RBM10: variants seen among roughly 807,000 people sequenced by gnomAD.
The protein encoded by RBM10 is RNA binding motif protein 10.
A neutral mutation model predicts 84.9 loss-of-function variants in RBM10; 1 was observed. That is an observed-to-expected ratio of 0.01 (90% CI 0.00 to 0.06). RBM10 has a LOEUF of 0.06. Among genes scored for constraint, RBM10 ranks in the 10% least tolerant of loss-of-function variants. The probability of loss-of-function intolerance (pLI) is 1.00; values close to 1 mark genes in which losing one functional copy is unlikely to be tolerated. For missense variants in RBM10, 438 were observed against 839.0 expected, an observed-to-expected ratio of 0.52 and a Z score of 5.90; for synonymous variants, 326 against 344.5, an observed-to-expected ratio of 0.95 and a Z score of 0.60.
At chrX:47,153,813 C>T (rs1274692912) in intron 2 of RBM10, among the ~76,000 whole-genome samples, 1 of 111,342 alleles carries the variant, frequency 9.0e-6, no homozygotes, top group Non-Finnish European at 1.9e-5. Context: ...GGAGGCTGGG[C>T]GCAGTGGGCT....
At chrX:47,154,677 C>T (rs1318037316) in intron 2 of RBM10, among the ~76,000 whole-genome samples, 2 of 109,373 alleles carry the variant, frequency 1.8e-5, no homozygotes, top group Non-Finnish European at 3.8e-5. Context: ...TCTCGAACTC[C>T]GTACCTCAGG....
chrX:47,163,900 ACT>A (rs1228467634), intron 2 of RBM10, among the ~76,000 whole-genome samples: 4 of 72,144 alleles, frequency 5.5e-5, no homozygotes, highest in Admixed American at 2.1e-4. Flanking sequence ...ACGGAGTCTC[ACT>A]CTGTCGCCCA....
chrX:47,160,412 A>G (rs143580226), intron 2 of RBM10, among the ~76,000 whole-genome samples: 94 of 111,979 alleles, frequency 8.4e-4, no homozygotes, highest in Non-Finnish European at 1.2e-3. Context: ...GGCAAAAAGC[A>G]AAATTTCCAA....
chrX:47,162,739 T>TAA (rs1556767170), intron 2 of RBM10, among the ~76,000 whole-genome samples: 216 of 110,261 alleles, frequency 2.0e-3, no homozygotes, highest in Non-Finnish European at 3.6e-3. Context: ...CTGGGGGTGG[T>TAA]GGCAGGTGCC....
At chrX:47,150,650 C>T in intron 2 of RBM10, among the ~76,000 whole-genome samples, 1 of 111,922 alleles carries the variant, frequency 8.9e-6, no homozygotes, top group South Asian at 3.7e-4. Context: ...TTTCAGGTTC[C>T]CTCATGTACA....
At chrX:47,169,613 G>A (rs1029759759) in intron 3 of RBM10, 115 bp downstream of exon 3, 31 of 800,412 alleles carry the variant, frequency 3.9e-5, no homozygotes, top group Non-Finnish European at 5.1e-5. Flanking sequence ...TTCAGACTGT[G>A]CTCGGTGGCT....
rs1602510978 is a variant in RBM10, at chrX:47,157,085, G to A, written c.17+9587G>A. The A allele has an allele frequency of 1.1e-5, 3 of 276,884 alleles. No individual in the cohort carries two copies. The East Asian group carries it at 2.9e-4, about 27-fold the overall frequency. 22.8% of individuals were successfully genotyped at this position (276,884 alleles called of 1,213,427 possible). A position where few individuals can be genotyped will look rare whatever the true frequency, so the allele number is the denominator to read the frequency against. On this transcript the variant is annotated intron_variant, in intron 2 of 23. Coordinates refer to ENST00000377604, the MANE Select transcript of RBM10 (RefSeq NM_005676.5). ...CTCCCAGTGCCTGCCGCAGGGCCCG[G>A]GGGAGTTCCCGGATGACCTCTTTGC... is the stretch of plus-strand genomic sequence containing the variant.
chrX:47,176,614 A>G (rs782774874), intron 7 of RBM10, 28 bp downstream of exon 7: 1 of 1,209,032 alleles, frequency 8.3e-7, no homozygotes, highest in South Asian at 1.8e-5. Flanking sequence ...AGCAGTTGTC[A>G]TGGACAGAGA....
At position 47,182,227 on chromosome X, in the gene RBM10, C is replaced by G. The variant is rs376595614; in HGVS notation, c.1851C>G (p.Pro617=). ...YWDGERRTYV[P]ALEQSADGHK... is the part of the protein sequence containing the mutation. ...ATGGGGAGAGGCGGACCTATGTTCC[C>G]GCCCTGGAGCAGTCGGCCGACGGAC... is the stretch of plus-strand genomic sequence containing the variant. The change falls in exon 17 of 24, where the codon CCC becomes CCG. Residue 617 remains proline, a synonymous_variant. Coordinates refer to ENST00000377604, the MANE Select transcript of RBM10 (RefSeq NM_005676.5). 1 of 1,211,953 alleles carries G rather than the reference C, an allele frequency of 8.3e-7. No individual in the cohort carries two copies. The highest frequency in any genetic ancestry group is 1.1e-6 in the Non-Finnish European group (1 of 895,558).
intron 5 of RBM10, among the ~76,000 whole-genome samples, chrX:47,174,490 C>A (rs1248221003): frequency 9.0e-6 from 1 of 111,590 alleles, no homozygotes; most frequent in African/African-American, 3.3e-5. Context: ...CCTAGCCTCG[C>A]AGAGCAGCCT....
chrX:47,181,340 C>T lies in RBM10; in HGVS notation c.1374C>T (p.Gly458=), dbSNP rs782676673. The change falls in exon 13 of 24, where the codon GGC becomes GGT. Residue 458 remains glycine, a synonymous_variant. Coordinates refer to ENST00000377604, the MANE Select transcript of RBM10 (RefSeq NM_005676.5). ...CAGAGTCTTCCCTCTATGCCCATGG[C>T]TACCTCAAGGGCACCAAGGGCCCTG... The part of the protein sequence containing the change: ...QGTESSLYAH[G]YLKGTKGPGI... 1 of 1,200,436 alleles carries T rather than the reference C, an allele frequency of 8.3e-7. No individual in the cohort carries two copies.
At chrX:47,164,018 G>A (rs947230279) in intron 2 of RBM10, among the ~76,000 whole-genome samples, 3 of 107,741 alleles carry the variant, frequency 2.8e-5, no homozygotes, top group Non-Finnish European at 5.8e-5. Flanking sequence ...GCAGGCGCCC[G>A]CCACCACGCC....
intron 12 of RBM10, 22 bp downstream of exon 12, chrX:47,180,528 C>T (rs1935453958): frequency 8.3e-7 from 1 of 1,204,967 alleles, no homozygotes; most frequent in Non-Finnish European, 1.1e-6. Flanking sequence ...CCTTGTGCCT[C>T]CCAGCGTCCT....
In RBM10 at chrX:47,171,184, G is replaced by A. The variant is rs781814570; in HGVS notation, c.358G>A (p.Asp120Asn). The A allele has an allele frequency of 2.5e-6, 3 of 1,207,801 alleles. No individual in the cohort carries two copies. The highest frequency in any genetic ancestry group is 3.4e-6 in the Non-Finnish European group (3 of 893,959). ...AGGGGAGGAGGAGGAGGAGGAGGAG[G>A]ATGAGGAGGAGGAGGAGAAGGCCAG... ...EQGEEEEEEE[D>N]EEEEEKASNI... The change falls in exon 4 of 24, where the codon GAT becomes AAT. Residue 120 changes from aspartate (D) to asparagine (N), a missense_variant. This residue lies in a region of RBM10 where 92 missense variants were observed against 134.3 expected (regional missense o/e 0.69). Coordinates refer to ENST00000377604, the MANE Select transcript of RBM10 (RefSeq NM_005676.5).
Position 47,147,404 on chromosome X carries a change from A to C in RBM10, c.-78A>C. Reference sequence around the variant, plus strand: ...CAGGCTGGCAGATCATGGTAGCAGCAGCGGGGGTGGCTGGGAAGTGAAACG... The same window carrying C: ...CAGGCTGGCAGATCATGGTAGCAGCCGCGGGGGTGGCTGGGAAGTGAAACG... On this transcript the variant is annotated 5_prime_UTR_variant, in exon 2 of 24. Coordinates refer to ENST00000377604, the MANE Select transcript of RBM10 (RefSeq NM_005676.5). 8.3e-7 allele frequency: 1 copy of C among 1,208,645 alleles called. No homozygotes were observed.
At chrX:47,176,610 T>A (rs782118017) in intron 7 of RBM10, 24 bp downstream of exon 7, 5 of 1,210,199 alleles carry the variant, frequency 4.1e-6, no homozygotes, top group Non-Finnish European at 5.6e-6. Flanking sequence ...GGGCAGCAGT[T>A]GTCATGGACA....
At position 47,157,226 on chromosome X, in the gene RBM10, T is replaced by G; in HGVS notation, c.17+9728T>G. ...GAGGAAGATGGATTCGTGGTCACAT[T>G]GTGTCCGCGGAGAATTTCTTGAGCA... On this transcript the variant is annotated intron_variant, in intron 2 of 23. Coordinates refer to ENST00000377604, the MANE Select transcript of RBM10 (RefSeq NM_005676.5). 2.8e-5 allele frequency: 8 copies of G among 286,899 alleles called. 1 individual carries two copies. The South Asian group carries it at 2.8e-4, about 10-fold the overall frequency. 23.6% of individuals were successfully genotyped at this position (286,899 alleles called of 1,213,427 possible). A position where few individuals can be genotyped will look rare whatever the true frequency, so the allele number is the denominator to read the frequency against.
In RBM10 at chrX:47,176,496, G is replaced by A. The variant is rs782287006; in HGVS notation, c.577-4G>A. On this transcript the variant is annotated splice_region_variant and splice_polypyrimidine_tract_variant and intron_variant, in intron 6 of 23. Coordinates refer to ENST00000377604, the MANE Select transcript of RBM10 (RefSeq NM_005676.5). ...ACCTCACTGTGCTCTGCTTTTTCCC[G>A]CAGCACTCCCTCAACATCCTGGGCC... 2.4e-5 allele frequency: 29 copies of A among 1,209,027 alleles called. No homozygotes were observed. In the South Asian group the frequency reaches 3.5e-4, roughly 15 times the overall value.
At position 47,175,109 on chromosome X, in the gene RBM10, T is replaced by TGTGGGGGGGGGGGGGGGGGGGGGGGGGGG; in HGVS notation, c.576+18_576+19insTGGGGGGGGGGGGGGGGGGGGGGGGGGGG. The stretch of plus-strand genomic sequence containing the variant: ...GCCAATCAGGTTGCTTTGCCGCACT[T>TGTGGGGGGGGGGGGGGGGGGGGGGGGGGG]GAACCCCCCCCCAAACAAATACTAC... On this transcript the variant is annotated intron_variant, in intron 6 of 23. Transcript: ENST00000377604. 1 of 1,183,043 alleles carries TGTGGGGGGGGGGGGGGGGGGGGGGGGGGG rather than the reference T, an allele frequency of 8.5e-7. No homozygotes were observed. The highest frequency in any genetic ancestry group is 1.1e-6 in the Non-Finnish European group (1 of 871,656).
Sources: allele counts gnomAD v4.1 joint callset (sites outside exome capture counted in the v4.1 genomes callset), GRCh38; gene constraint gnomAD v4.1.1; regional missense constraint gnomAD v4.1.1; transcripts MANE v1.5; gene names NCBI Gene and HGNC (gene_info 2026-07-23, HGNC 2026-07-21).